Variants in FLNB observed in about 807,000 individuals in gnomAD.
FLNB encodes the protein filamin-B.
In FLNB, 111 loss-of-function variants were observed where a neutral mutation model predicts 250.6. The ratio of observed to expected loss-of-function variants is 0.44; its 90% CI spans 0.38 to 0.52. FLNB has a LOEUF of 0.52. FLNB is among the 20% of genes least tolerant of loss of function. The pLI, the probability that FLNB is intolerant of heterozygous loss-of-function variation, is 0.00. For missense variants in FLNB, 2,869 were observed against 3,447.8 expected (o/e 0.83, Z 4.20); for synonymous variants, 1,302 against 1,372.1 (o/e 0.95, Z 1.13).
rs1575444563 is a variant in FLNB at position 58,136,119 on chromosome 3, T to C, written c.4812T>C (p.Tyr1604=). Residue 1604 remains tyrosine (Y), a synonymous_variant, in exon 28 of 46, where the codon TAT becomes TAC. Transcript: ENST00000295956. ...GTGACGACATCCCACTTTCTCCTTA[T>C]CGCATCCGAGCCACACAGACGGGTG... The part of the protein sequence containing the change: ...YGGDDIPLSP[Y]RIRATQTGDA... 6.2e-7 allele frequency: 1 copy of C among 1,614,154 alleles called. No individual in the cohort carries two copies. Among genetic ancestry groups the C allele is most frequent in the Non-Finnish European group, 8.5e-7 (1 of 1,180,022 alleles).
chr3:58,146,623 G>T, intron 33 of FLNB, 197 bp from the exon 34 acceptor site: 1 of 603,196 alleles, frequency 1.7e-6, no homozygotes, highest in Admixed American at 2.6e-5. Context: ...CAGATGTTTG[G>T]GGTTTCTTCT....
chr3:58,143,013 T>G (rs1399051282), intron 31 of FLNB, among the ~76,000 whole-genome samples: 1 of 152,230 alleles, frequency 6.6e-6, no homozygotes, highest in Non-Finnish European at 1.5e-5. Context: ...TAAAAACTGC[T>G]GTGTTTAGAT....
chr3:58,109,254 G>T lies in FLNB; in HGVS notation c.2131G>T (p.Val711Leu), dbSNP rs1201338015. The T allele has an allele frequency of 6.2e-7, 1 of 1,614,240 alleles. No homozygotes were observed. Among genetic ancestry groups the T allele is most frequent in the Admixed American group, 1.7e-5 (1 of 60,032 alleles). ...DGTYACSYTPVKAIKHTIAVV... is the reference protein window; with the variant it reads ...DGTYACSYTPLKAIKHTIAVV... Reference sequence around the variant, plus strand: ...CACATATGCATGCTCATACACCCCGGTGAAGGCCATCAAGCACACCATTGC... The same window carrying T: ...CACATATGCATGCTCATACACCCCGTTGAAGGCCATCAAGCACACCATTGC... The change falls in exon 14 of 46, where the codon GTG becomes TTG. Residue 711 changes from valine (V) to leucine (L), a missense_variant. Val to Leu is a conservative substitution (Grantham distance 32). Around this residue, in one of 5 missense-constraint regions of FLNB, gnomAD observed 1,348 missense variants for 1,466.7 expected, o/e 0.92. Coordinates refer to ENST00000295956, the MANE Select transcript of FLNB (RefSeq NM_001457.4).
At position 58,104,032 on chromosome 3, in the gene FLNB, C is replaced by T. The variant is rs1458889942; in HGVS notation, c.1557C>T (p.Thr519=). 1 of 1,613,798 alleles carries T rather than the reference C, an allele frequency of 6.2e-7. No homozygotes were observed. Among genetic ancestry groups the T allele is most frequent in the Admixed American group, 1.7e-5 (1 of 59,988 alleles). The part of the protein sequence containing the change: ...GVYAFEYYPS[T]PGRYSIAITW... ...ACGCATTCGAGTATTACCCCAGCACCCCGGGGAGATACAGCATTGCCATCA... is the reference window on the plus strand; with the variant it reads ...ACGCATTCGAGTATTACCCCAGCACTCCGGGGAGATACAGCATTGCCATCA... Residue 519 remains threonine, a synonymous_variant, in exon 10 of 46, where the codon ACC becomes ACT. Coordinates refer to ENST00000295956, the MANE Select transcript of FLNB (RefSeq NM_001457.4).
intron 21 of FLNB, 73 bp from the exon 22 acceptor site, chr3:58,124,259 G>A (rs1018663643): frequency 6.5e-7 from 1 of 1,534,420 alleles, no homozygotes; most frequent in East Asian, 2.2e-5. Context: ...GAAGTGCCAA[G>A]AACCTTGGTT....
chr3:58,104,797 C>T (rs1199481498), intron 10 of FLNB, among the ~76,000 whole-genome samples: 1 of 152,206 alleles, frequency 6.6e-6, no homozygotes, highest in East Asian at 1.9e-4. Context: ...GGGAGGCCTG[C>T]ACACAAAGGT....
chr3:58,070,939 C>T (rs1332907147), intron 1 of FLNB, among the ~76,000 whole-genome samples: 1 of 149,916 alleles, frequency 6.7e-6, no homozygotes, highest in Non-Finnish European at 1.5e-5. Flanking sequence ...CTCTCTTGCT[C>T]TCTCTCTCTC....
intron 1 of FLNB, among the ~76,000 whole-genome samples, chr3:58,018,327 C>CTTTTTT (rs60851192): frequency 1.6e-5 from 1 of 63,242 alleles, no homozygotes; most frequent in African/African-American, 7.6e-5. Flanking sequence ...TATTCATTGA[C>CTTTTTT]TTTTTTTTTT....
chr3:58,046,206 A>G (rs554223263), intron 1 of FLNB, among the ~76,000 whole-genome samples: 136 of 152,176 alleles, frequency 8.9e-4, no homozygotes, highest in African/African-American at 2.9e-3. Flanking sequence ...CCTTGGTTCC[A>G]GGTCACAGGG....
intron 42 of FLNB, chr3:58,162,737 G>A (rs2097363819): frequency 3.7e-6 from 1 of 270,066 alleles, no homozygotes; most frequent in Non-Finnish European, 7.2e-6. Flanking sequence ...AAGTGGTGAG[G>A]TCTTCCAATT....
intron 10 of FLNB, among the ~76,000 whole-genome samples, chr3:58,104,747 A>G (rs1321510097): frequency 1.3e-5 from 2 of 152,198 alleles, no homozygotes; most frequent in Non-Finnish European, 2.9e-5. Context: ...TAAGCAGGAT[A>G]TAGTGTGTGG....
chr3:58,122,168 CAAAAA>C (rs546747097), intron 20 of FLNB, among the ~76,000 whole-genome samples: 2 of 65,876 alleles, frequency 3.0e-5, no homozygotes, highest in African/African-American at 5.5e-5. Context: ...GACTCCGTCT[CAAAAA>C]AAAAAAAAAA....
At chr3:58,039,632 T>G (rs1324672106) in intron 1 of FLNB, among the ~76,000 whole-genome samples, 1 of 152,202 alleles carries the variant, frequency 6.6e-6, no homozygotes, top group South Asian at 2.1e-4. Context: ...CAGAACTAGC[T>G]TTTTTGTGCT....
intron 1 of FLNB, among the ~76,000 whole-genome samples, chr3:58,070,821 A>G (rs965220622): frequency 1.3e-4 from 20 of 151,872 alleles, no homozygotes; most frequent in African/African-American, 4.3e-4. Context: ...CACCACGCCC[A>G]GCAAATTTTT....
chr3:58,011,832 C>T (rs987689239), intron 1 of FLNB, among the ~76,000 whole-genome samples: 3 of 152,218 alleles, frequency 2.0e-5, no homozygotes, highest in African/African-American at 7.2e-5. Context: ...TTAGAGAGTT[C>T]AGGGCTTAAC....
chr3:58,132,515 A>T, intron 25 of FLNB: 1 of 501,566 alleles, frequency 2.0e-6, no homozygotes, highest in Non-Finnish European at 3.6e-6. Context: ...CATCATCCAC[A>T]TACACCCTCC....
chr3:58,042,100 T>A (rs1576624063), intron 1 of FLNB, among the ~76,000 whole-genome samples: 1 of 152,230 alleles, frequency 6.6e-6, no homozygotes. Context: ...GCCACCTGTG[T>A]TTGGTGTGTA....
intron 33 of FLNB, 182 bp from the exon 34 acceptor site, chr3:58,146,638 G>T: frequency 1.6e-6 from 1 of 635,350 alleles, no homozygotes; most frequent in South Asian, 1.8e-5. Context: ...TCTTCTCAGT[G>T]GGTGTTTTTA....
chr3:58,052,636 G>C (rs2097164217), intron 1 of FLNB, among the ~76,000 whole-genome samples: 1 of 152,224 alleles, frequency 6.6e-6, no homozygotes, highest in Non-Finnish European at 1.5e-5. Flanking sequence ...CATCGGTGTG[G>C]ATGGCAGGTT....
Sources: gnomAD v4.1 joint callset for allele counts (sites outside exome capture counted in the v4.1 genomes callset) on GRCh38, gnomAD v4.1.1 for gene constraint, gnomAD v4.1.1 regional missense constraint, MANE v1.5 for transcripts, NCBI Gene and HGNC (gene_info 2026-07-23, HGNC 2026-07-21) for gene names.